The following HDAC9 variants were observed in gnomAD, a reference collection of about 807,000 sequenced individuals.
HDAC9 encodes histone deacetylase 9, also known as MEF-2 interacting transcription repressor (MITR) protein.
HDAC9 carries 41 observed loss-of-function variants against 139.4 expected under a neutral mutation model. The ratio of observed to expected loss-of-function variants is 0.29; its 90% CI spans 0.23 to 0.38. The LOEUF is 0.38. Among genes scored for constraint, HDAC9 ranks in the 10% least tolerant of loss-of-function variants. The probability of loss-of-function intolerance (pLI) is 1.00; values close to 1 mark genes in which losing one functional copy is unlikely to be tolerated. For synonymous variants in HDAC9, 517 were observed against 476.2 expected, an observed-to-expected ratio of 1.09 and a Z score of -1.12; for missense variants, 1,147 against 1,297.0, an observed-to-expected ratio of 0.88 and a Z score of 1.78.
chr7:18,109,061 G>A (rs1381443218), intron 1 of HDAC9, among the ~76,000 whole-genome samples: 3 of 152,192 alleles, frequency 2.0e-5, no homozygotes, highest in African/African-American at 7.2e-5. Flanking sequence ...CATGGGGATG[G>A]TTATTTTTAG....
chr7:18,784,941 GC>G (rs1322446697), intron 16 of HDAC9, among the ~76,000 whole-genome samples: 1 of 77,474 alleles, frequency 1.3e-5, no homozygotes, highest in East Asian at 2.2e-4. Flanking sequence ...GGTAGCAATT[GC>G]TTGTGTGTGT....
intron 22 of HDAC9, among the ~76,000 whole-genome samples, chr7:18,906,090 C>T (rs1802234434): frequency 6.6e-6 from 1 of 150,702 alleles, no homozygotes; most frequent in South Asian, 2.1e-4. Flanking sequence ...TGACCCATAA[C>T]CTCTGCTTCT....
intron 1 of HDAC9, among the ~76,000 whole-genome samples, chr7:18,159,157 A>G (rs1437017279): frequency 6.6e-6 from 1 of 152,212 alleles, no homozygotes; most frequent in Admixed American, 6.5e-5. Flanking sequence ...TTTTTACAGC[A>G]TGGGGAAACT....
chr7:18,704,082 A>C (rs541183102), intron 12 of HDAC9, among the ~76,000 whole-genome samples: 1 of 152,192 alleles, frequency 6.6e-6, no homozygotes, highest in East Asian at 1.9e-4. Context: ...TGCTACTACC[A>C]TGTAACTGGC....
At chr7:18,772,066 A>AG (rs1313206346) in intron 16 of HDAC9, among the ~76,000 whole-genome samples, 1 of 152,296 alleles carries the variant, frequency 6.6e-6, no homozygotes, top group African/African-American at 2.4e-5. Flanking sequence ...GGGCTGGTTC[A>AG]GAAAAATGCT....
At chr7:18,525,902 C>T (rs997583663) in intron 2 of HDAC9, among the ~76,000 whole-genome samples, 2 of 152,172 alleles carry the variant, frequency 1.3e-5, no homozygotes, top group African/African-American at 4.8e-5. Flanking sequence ...TTACTTGACT[C>T]TTAAGTTCTT....
At position 18,902,304 on chromosome 7, in the gene HDAC9, T is replaced by A. The variant is rs189203246; in HGVS notation, c.2803+27708T>A. 2.0e-3 allele frequency among the ~76,000 whole-genome samples: 305 copies of A among 152,276 alleles called. 1 individual carries two copies. The highest frequency in any genetic ancestry group is 2.4e-4 in the Non-Finnish European group (16 of 68,004). The stretch of plus-strand genomic sequence containing the variant: ...ACTCCTGGGGCTGTTTAGTAAAATA[T>A]GGATTAGGGCAAAGCCCTCTAATGT... On this transcript the variant is annotated intron_variant, in intron 22 of 25. Coordinates refer to ENST00000686413, the MANE Select transcript of HDAC9 (RefSeq NM_178425.4).
At chr7:18,656,798 G>A (rs1421083639) in intron 11 of HDAC9, among the ~76,000 whole-genome samples, 1 of 152,066 alleles carries the variant, frequency 6.6e-6, no homozygotes, top group African/African-American at 2.4e-5. Context: ...TTAGGTATAT[G>A]CCTAGCAGTA....
At chr7:18,671,225 G>GA (rs1231870609) in intron 12 of HDAC9, among the ~76,000 whole-genome samples, 1 of 151,926 alleles carries the variant, frequency 6.6e-6, no homozygotes, top group African/African-American at 2.4e-5. Context: ...TTGTGGAAGG[G>GA]AAAAATAGAG....
intron 25 of HDAC9, among the ~76,000 whole-genome samples, chr7:18,980,777 CCT>C (rs1491217639): frequency 1.4e-4 from 19 of 136,592 alleles, no homozygotes; most frequent in South Asian, 2.3e-4. Flanking sequence ...TCTTCTTCTT[CCT>C]CTTCTTCTTC....
chr7:18,243,657 C>G (rs1794335508), intron 2 of HDAC9, among the ~76,000 whole-genome samples: 1 of 152,226 alleles, frequency 6.6e-6, no homozygotes, highest in Admixed American at 6.5e-5. Context: ...CTAAGATCAT[C>G]TCCTCTCCCC....
In HDAC9 at chr7:18,747,671, A is replaced by C. The variant is rs146591412; in HGVS notation, c.1910-1334A>C. ...ATAAGGGAGGTCAGTCCTGAGGATGAAAATGTGAGAATCAGGGGAAGAAGG... is the reference window on the plus strand; with the variant it reads ...ATAAGGGAGGTCAGTCCTGAGGATGCAAATGTGAGAATCAGGGGAAGAAGG... On this transcript the variant is annotated intron_variant, in intron 13 of 25. Coordinates refer to ENST00000686413, the MANE Select transcript of HDAC9 (RefSeq NM_178425.4). Among the ~76,000 whole-genome samples the C allele has an allele frequency of 2.0e-3, 310 of 152,330 alleles. 5 individuals carry two copies. The highest frequency in any genetic ancestry group is 6.8e-4 in the Non-Finnish European group (46 of 68,022).
intron 24 of HDAC9, among the ~76,000 whole-genome samples, chr7:18,963,859 A>G (rs1362286278): frequency 1.3e-5 from 2 of 152,180 alleles, no homozygotes; most frequent in Non-Finnish European, 2.9e-5. Context: ...TTTATTGTCT[A>G]GTTTTTAATT....
chr7:18,452,723 G>T (rs1792987296), intron 1 of HDAC9, among the ~76,000 whole-genome samples: 1 of 152,084 alleles, frequency 6.6e-6, no homozygotes, highest in Non-Finnish European at 1.5e-5. Context: ...AGATCTGATG[G>T]TTTTATACAG....
At chr7:18,195,640 G>T (rs1406717263) in intron 2 of HDAC9, among the ~76,000 whole-genome samples, 1 of 152,108 alleles carries the variant, frequency 6.6e-6, no homozygotes, top group East Asian at 1.9e-4. Context: ...CCATGCTTCA[G>T]CCGGGCCTGC....
intron 2 of HDAC9, among the ~76,000 whole-genome samples, chr7:18,220,947 GAAGA>G: frequency 1.3e-5 from 2 of 152,208 alleles, no homozygotes; most frequent in Middle Eastern, 6.8e-3. Flanking sequence ...GTTTTAAAAA[GAAGA>G]AATTAAAATG....
intron 2 of HDAC9, among the ~76,000 whole-genome samples, chr7:18,504,038 G>A (rs1799092257): frequency 6.6e-6 from 1 of 152,160 alleles, no homozygotes; most frequent in Admixed American, 6.5e-5. Context: ...TCTTGCTTTA[G>A]TAAAAATGTG....
At chr7:18,737,329 G>T (rs942933919) in intron 13 of HDAC9, among the ~76,000 whole-genome samples, 1 of 152,076 alleles carries the variant, frequency 6.6e-6, no homozygotes, top group Non-Finnish European at 1.5e-5. Context: ...TGATATTAGG[G>T]TCTTGATTTT....
At chr7:18,222,457 T>C (rs1792770951) in intron 2 of HDAC9, among the ~76,000 whole-genome samples, 1 of 152,154 alleles carries the variant, frequency 6.6e-6, no homozygotes, top group South Asian at 2.1e-4. Context: ...TCTTAATCTT[T>C]TATTTTTTCC....
Sources: gnomAD v4.1 joint callset for allele counts (sites outside exome capture counted in the v4.1 genomes callset) on GRCh38, gnomAD v4.1.1 for gene constraint, MANE v1.5 for transcripts, NCBI Gene and HGNC (gene_info 2026-07-23, HGNC 2026-07-21) for gene names.